GRIP1: variants seen among roughly 807,000 people sequenced by gnomAD.
The protein encoded by GRIP1 is glutamate receptor interacting protein 1.
GRIP1 carries 45 observed loss-of-function variants against 129.9 expected under a neutral mutation model. That is an observed-to-expected ratio of 0.35 (90% CI 0.27 to 0.44). The LOEUF is 0.44. Among genes scored for constraint, GRIP1 ranks in the 20% least tolerant of loss-of-function variants. The pLI, the probability that GRIP1 is intolerant of heterozygous loss-of-function variation, is 1.00. For missense variants in GRIP1, 1,196 were observed against 1,396.8 expected, an observed-to-expected ratio of 0.86 and a Z score of 2.29; for synonymous variants, 530 against 520.8, an observed-to-expected ratio of 1.02 and a Z score of -0.24.
chr12:66,844,716 T>C (rs757513189), intron 1 of GRIP1, among the ~76,000 whole-genome samples: 30 of 152,296 alleles, frequency 2.0e-4, no homozygotes, highest in Non-Finnish European at 2.9e-4. Flanking sequence ...TGTCCATCAA[T>C]GGATGAACTG....
intron 1 of GRIP1, among the ~76,000 whole-genome samples, chr12:66,668,831 G>A (rs2033929308): frequency 6.6e-6 from 1 of 152,122 alleles, no homozygotes; most frequent in African/African-American, 2.4e-5. Flanking sequence ...GGGGGTTGGG[G>A]GAGTGGCAGG....
chr12:66,578,240 T>TTTTTTTTTTTTTTTC, intron 2 of GRIP1, among the ~76,000 whole-genome samples: 1 of 146,574 alleles, frequency 6.8e-6, no homozygotes. Flanking sequence ...CGGTTTTTTT[T>TTTTTTTTTTTTTTTC]TTTTTTTTTG....
intron 2 of GRIP1, among the ~76,000 whole-genome samples, chr12:66,548,905 A>G (rs1051097504): frequency 5.3e-5 from 8 of 152,184 alleles, no homozygotes; most frequent in Admixed American, 3.9e-4. Context: ...AAAATGCTCT[A>G]TAAGATCTTC....
At chr12:66,977,495 G>C (rs1358884935) in intron 1 of GRIP1, among the ~76,000 whole-genome samples, 1 of 152,056 alleles carries the variant, frequency 6.6e-6, no homozygotes, top group East Asian at 1.9e-4. Context: ...ACACACTCAA[G>C]TTATCAGTCC....
intron 1 of GRIP1, among the ~76,000 whole-genome samples, chr12:66,759,936 G>A (rs1263172341): frequency 6.6e-6 from 1 of 151,560 alleles, no homozygotes; most frequent in African/African-American, 2.4e-5. Flanking sequence ...CTCACTGCAA[G>A]CTCCGCCTTC....
At chr12:66,594,307 A>T (rs1250631332) in intron 2 of GRIP1, among the ~76,000 whole-genome samples, 1 of 152,096 alleles carries the variant, frequency 6.6e-6, no homozygotes, top group Non-Finnish European at 1.5e-5. Context: ...TGAGGGAAGT[A>T]GGATTGGGAG....
intron 1 of GRIP1, among the ~76,000 whole-genome samples, chr12:66,616,202 T>C (rs2065032803): frequency 6.6e-6 from 1 of 152,122 alleles, no homozygotes; most frequent in African/African-American, 2.4e-5. Context: ...AGGGCATTCC[T>C]GAAAATCAAG....
At chr12:66,581,819 C>A (rs1473522495) in intron 2 of GRIP1, among the ~76,000 whole-genome samples, 1 of 152,092 alleles carries the variant, frequency 6.6e-6, no homozygotes, top group Admixed American at 6.5e-5. Flanking sequence ...CGAATTCTAC[C>A]AGAGGTACAA....
chr12:66,381,922 G>C (rs982119470), intron 19 of GRIP1, among the ~76,000 whole-genome samples: 1 of 152,196 alleles, frequency 6.6e-6, no homozygotes, highest in Non-Finnish European at 1.5e-5. Context: ...TCCGTGCTAC[G>C]CTGACCCAGA....
chr12:66,797,122 G>C (rs2136892488), intron 1 of GRIP1, among the ~76,000 whole-genome samples: 1 of 152,134 alleles, frequency 6.6e-6, no homozygotes, highest in East Asian at 1.9e-4. Flanking sequence ...TTAAAAAGCA[G>C]ATTAAAAATT....
chr12:66,473,884 G>A (rs2059521364), intron 7 of GRIP1, among the ~76,000 whole-genome samples: 1 of 152,126 alleles, frequency 6.6e-6, no homozygotes, highest in Non-Finnish European at 1.5e-5. Context: ...AAAAACCAGT[G>A]CAAAAAGCCT....
At chr12:66,437,902 G>C (rs1287490345) in intron 13 of GRIP1, among the ~76,000 whole-genome samples, 1 of 152,122 alleles carries the variant, frequency 6.6e-6, no homozygotes, top group Non-Finnish European at 1.5e-5. Context: ...ATGGTGAAGA[G>C]AGACTCCAAG....
At chr12:67,038,251 C>T (rs746806518) in intron 1 of GRIP1, among the ~76,000 whole-genome samples, 10 of 152,176 alleles carry the variant, frequency 6.6e-5, no homozygotes, top group Non-Finnish European at 1.2e-4. Context: ...CCAATAAGGA[C>T]GTGGACAGGA....
At chr12:66,641,620 A>C (rs2031934626) in intron 1 of GRIP1, among the ~76,000 whole-genome samples, 1 of 152,212 alleles carries the variant, frequency 6.6e-6, no homozygotes, top group Non-Finnish European at 1.5e-5. Flanking sequence ...GCACAGTTAC[A>C]CTAGTAGAAC....
chr12:66,498,151 T>C (rs1391973520), intron 7 of GRIP1, among the ~76,000 whole-genome samples: 1 of 152,158 alleles, frequency 6.6e-6, no homozygotes. Context: ...TCAGCCCGCC[T>C]GCACCCAGGT....
chr12:67,045,388 A>C (rs1460501775), intron 1 of GRIP1, among the ~76,000 whole-genome samples: 2 of 152,200 alleles, frequency 1.3e-5, no homozygotes, highest in Non-Finnish European at 2.9e-5. Flanking sequence ...TCAGAGCTCA[A>C]ATAAATTAGC....
chr12:66,679,071 T>C lies in GRIP1; in HGVS notation c.-167A>G, dbSNP rs1181734362. The C allele has an allele frequency of 2.0e-6, 3 of 1,514,594 alleles. No homozygotes were observed. In the African/African-American group the frequency reaches 4.1e-5, roughly 21 times the overall value. 93.8% of individuals were successfully genotyped at this position (1,514,594 alleles called of 1,614,324 possible). On this transcript the variant is annotated 5_prime_UTR_variant, in exon 1 of 25. Coordinates refer to ENST00000359742, the MANE Select transcript of GRIP1 (RefSeq NM_001366722.1). ...GGCTGATGCAGAGGTCCGCTACATG[T>C]CATCTGGCAAATCTGTGTCATTCAC...
Position 66,444,765 on chromosome 12 carries a change from A to C in GRIP1, c.1542-36T>G, listed in dbSNP as rs867403001. 3.1e-6 allele frequency: 5 copies of C among 1,608,482 alleles called. No individual in the cohort carries two copies. In the African/African-American group the frequency reaches 6.7e-5, roughly 22 times the overall value. On this transcript the variant is annotated intron_variant, in intron 12 of 24. Transcript: ENST00000359742. ...ACCACATGTGAGAGGTTGTAGATGGAGTAAATAATTACCAAGCTGAGCTTG... is the reference window on the plus strand; with the variant it reads ...ACCACATGTGAGAGGTTGTAGATGGCGTAAATAATTACCAAGCTGAGCTTG...
At chr12:66,516,779 G>A (rs1481473624) in intron 6 of GRIP1, among the ~76,000 whole-genome samples, 1 of 152,124 alleles carries the variant, frequency 6.6e-6, no homozygotes, top group Non-Finnish European at 1.5e-5. Flanking sequence ...GCAAATATAC[G>A]TCAGCAAAAG....
Sources: allele counts gnomAD v4.1 joint callset (sites outside exome capture counted in the v4.1 genomes callset), GRCh38; gene constraint gnomAD v4.1.1; transcripts MANE v1.5; gene names NCBI Gene and HGNC (gene_info 2026-07-23, HGNC 2026-07-21).